Variants in LRP5 observed in about 807,000 individuals in gnomAD.
The protein encoded by LRP5 is low-density lipoprotein receptor-related protein 5.
A neutral mutation model predicts 154.1 loss-of-function variants in LRP5; 62 were observed. That is an observed-to-expected ratio of 0.40 (90% confidence interval 0.33 to 0.50). The LOEUF is 0.50. LRP5 is among the 20% of genes least tolerant of loss of function. LRP5 has a pLI of 0.55. For missense variants in LRP5, 1,915 were observed against 2,336.7 expected (o/e 0.82, Z 3.72); for synonymous variants, 966 against 1,011.5 (o/e 0.96, Z 0.85).
intron 2 of LRP5, among the ~76,000 whole-genome samples, chr11:68,352,540 TG>T (rs1451931258): frequency 1.3e-5 from 2 of 152,208 alleles, no homozygotes; most frequent in African/African-American, 2.4e-5. Flanking sequence ...GGTTGGGAGG[TG>T]ATCAGTCGGG....
intron 13 of LRP5, among the ~76,000 whole-genome samples, chr11:68,417,694 G>A (rs2098663378): frequency 6.6e-6 from 1 of 152,016 alleles, no homozygotes; most frequent in South Asian, 2.1e-4. Context: ...CAGCACTGTG[G>A]GAGGCCGAGG....
intron 13 of LRP5, among the ~76,000 whole-genome samples, chr11:68,421,718 GT>G (rs2098665769): frequency 7.2e-6 from 1 of 139,128 alleles, no homozygotes. Flanking sequence ...GTGTGTGTGT[GT>G]GTGTGGTGTG....
At chr11:68,356,256 C>T (rs1213014277) in intron 2 of LRP5, among the ~76,000 whole-genome samples, 2 of 151,664 alleles carry the variant, frequency 1.3e-5, no homozygotes, top group African/African-American at 4.9e-5. Context: ...GATCCTCCCA[C>T]GTCAGCCTCC....
intron 13 of LRP5, among the ~76,000 whole-genome samples, chr11:68,422,451 G>A (rs1439378570): frequency 1.3e-5 from 2 of 152,156 alleles, no homozygotes; most frequent in Non-Finnish European, 2.9e-5. Context: ...CTGTCTTTCA[G>A]GGTAACCCAA....
At chr11:68,385,225 C>T (rs986884017) in intron 5 of LRP5, among the ~76,000 whole-genome samples, 1 of 152,208 alleles carries the variant, frequency 6.6e-6, no homozygotes, top group Non-Finnish European at 1.5e-5. Context: ...ACCAGGCTCT[C>T]CCCTCATCCA....
At chr11:68,323,424 T>C (rs2098597885) in intron 1 of LRP5, among the ~76,000 whole-genome samples, 1 of 150,426 alleles carries the variant, frequency 6.6e-6, no homozygotes, top group African/African-American at 2.5e-5. Flanking sequence ...TTTTTAAATT[T>C]ATTTTGAGAT....
At chr11:68,365,825 G>A in intron 5 of LRP5, 123 bp downstream of exon 5, 1 of 1,024,064 alleles carries the variant, frequency 9.8e-7, no homozygotes, top group Non-Finnish European at 1.4e-6. Context: ...CCACTTGGCG[G>A]GTGTGGTGAT....
At chr11:68,403,385 G>A (rs140041579) in intron 7 of LRP5, 98 bp from the exon 8 acceptor site, 255 of 1,041,560 alleles carry the variant, frequency 2.4e-4, no homozygotes, top group Middle Eastern at 1.6e-3. Flanking sequence ...CATTGAACCC[G>A]TCTTGTTTGG....
chr11:68,359,122 A>G (rs1565343588), intron 3 of LRP5, among the ~76,000 whole-genome samples: 3 of 152,196 alleles, frequency 2.0e-5, no homozygotes, highest in Admixed American at 6.5e-5. Context: ...AACAGCAAAC[A>G]GGTTTTTTAT....
rs757890963 is a variant in LRP5 at position 68,446,526 on chromosome 11, C to A, written c.4579C>A (p.Pro1527Thr). 2.5e-6 allele frequency: 4 copies of A among 1,613,694 alleles called. No individual in the cohort carries two copies. In the South Asian group the frequency reaches 4.4e-5, roughly 18 times the overall value. Residue 1527 changes from proline (P) to threonine (T), a missense_variant, in exon 22 of 23, where the codon CCG becomes ACG. Pro to Thr is a conservative substitution (Grantham distance 38, BLOSUM62 -1). Around this residue, in one of 3 missense-constraint regions of LRP5, gnomAD observed 1,094 missense variants for 1,210.1 expected, o/e 0.90. Transcript: ENST00000294304. The part of the protein sequence containing the change: ...YSSNIPATAR[P>T]YRPYIIRGMA... ...TTCAAACATTCCGGCCACTGCGAGA[C>A]CGTACAGGTAGGACATCCCCTGCAG...
intron 1 of LRP5, among the ~76,000 whole-genome samples, chr11:68,318,783 C>A (rs1169333090): frequency 1.3e-5 from 2 of 152,208 alleles, no homozygotes; most frequent in Admixed American, 6.5e-5. Flanking sequence ...GGGGGCGGCA[C>A]AGGCTCCACT....
intron 19 of LRP5, 64 bp from the exon 20 acceptor site, chr11:68,438,382 C>A: frequency 6.9e-7 from 1 of 1,456,130 alleles, no homozygotes. Context: ...CGGTGTCTGC[C>A]CCCAAGGAGG....
intron 4 of LRP5, 42 bp from the exon 5 acceptor site, chr11:68,365,529 C>A (rs774726319): frequency 1.9e-6 from 3 of 1,613,126 alleles, no homozygotes; most frequent in South Asian, 2.2e-5. Context: ...AAGTGACGGT[C>A]CTCTTCTGGA....
intron 5 of LRP5, among the ~76,000 whole-genome samples, chr11:68,366,094 T>C (rs2098630920): frequency 6.6e-6 from 1 of 152,054 alleles, no homozygotes; most frequent in Admixed American, 6.6e-5. Context: ...ATCACACACG[T>C]TCAGGATGCA....
intron 1 of LRP5, among the ~76,000 whole-genome samples, chr11:68,344,512 G>C (rs894784928): frequency 1.3e-5 from 2 of 151,860 alleles, no homozygotes; most frequent in African/African-American, 4.8e-5. Flanking sequence ...TAGAGGCAAG[G>C]TTTCGTCATG....
At chr11:68,418,170 G>A (rs1565096279) in intron 13 of LRP5, among the ~76,000 whole-genome samples, 1 of 151,724 alleles carries the variant, frequency 6.6e-6, no homozygotes, top group African/African-American at 2.4e-5. Context: ...ACTTTGGGAG[G>A]CCGAAGTGGG....
At chr11:68,344,411 C>T (rs564402481) in intron 1 of LRP5, among the ~76,000 whole-genome samples, 6 of 152,180 alleles carry the variant, frequency 3.9e-5, no homozygotes, top group Admixed American at 2.0e-4. Flanking sequence ...CTCCACTTCT[C>T]GGGTTCAAGT....
intron 9 of LRP5, among the ~76,000 whole-genome samples, chr11:68,409,069 A>AT (rs1420282770): frequency 0.01 from 514 of 50,888 alleles, 1 homozygote; most frequent in Non-Finnish European, 0.013. Context: ...AAAAAAAAAA[A>AT]AAAAATATAT....
At chr11:68,432,155 C>T (rs1433944141) in intron 17 of LRP5, among the ~76,000 whole-genome samples, 1 of 152,230 alleles carries the variant, frequency 6.6e-6, no homozygotes, top group African/African-American at 2.4e-5. Flanking sequence ...CCCAGTGTCC[C>T]AGTTACAGCT....
Sources: gnomAD v4.1 joint callset for allele counts (sites outside exome capture counted in the v4.1 genomes callset) on GRCh38, gnomAD v4.1.1 for gene constraint, gnomAD v4.1.1 regional missense constraint, MANE v1.5 for transcripts, NCBI Gene and HGNC (gene_info 2026-07-23, HGNC 2026-07-21) for gene names.